The following PLEKHA7 variants were observed in gnomAD, a reference collection of about 807,000 sequenced individuals.
PLEKHA7 encodes the protein pleckstrin homology domain containing A7, also known as pleckstrin homology domain-containing family A member 7.
A neutral mutation model predicts 170.0 loss-of-function variants in PLEKHA7; 104 were observed. The ratio of observed to expected loss-of-function variants is 0.61; its 90% CI spans 0.52 to 0.72. The LOEUF (loss-of-function observed/expected upper bound fraction) is 0.72, where lower values mean the gene tolerates loss of function less well. Ranked by LOEUF, PLEKHA7 falls within the 30% of genes least tolerant of loss-of-function variation. The pLI, the probability that PLEKHA7 is intolerant of heterozygous loss-of-function variation, is 0.00. For synonymous variants in PLEKHA7, 648 were observed against 660.8 expected (o/e 0.98, Z 0.30); for missense variants, 1,615 against 1,671.7 (o/e 0.97, Z 0.59).
At chr11:16,833,635 A>G (rs1851292723) in intron 9 of PLEKHA7, among the ~76,000 whole-genome samples, 1 of 152,178 alleles carries the variant, frequency 6.6e-6, no homozygotes, top group Admixed American at 6.5e-5. Flanking sequence ...ACTGTGTGCT[A>G]GGAATCTGTC....
chr11:16,870,920 T>C (rs944377995), intron 4 of PLEKHA7, among the ~76,000 whole-genome samples, 179 bp downstream of exon 4: 1 of 152,174 alleles, frequency 6.6e-6, no homozygotes, highest in Non-Finnish European at 1.5e-5. Flanking sequence ...ATCTTGCCAC[T>C]GAAAGAAGTC....
intron 4 of PLEKHA7, among the ~76,000 whole-genome samples, chr11:16,863,669 G>A (rs952602563): frequency 2.0e-5 from 3 of 152,112 alleles, no homozygotes; most frequent in Non-Finnish European, 2.9e-5. Context: ...AGAGGCATTC[G>A]TCAGTGGCTC....
At chr11:16,999,367 G>A (rs964163698) in intron 3 of PLEKHA7, among the ~76,000 whole-genome samples, 1 of 151,838 alleles carries the variant, frequency 6.6e-6, no homozygotes, top group Non-Finnish European at 1.5e-5. Context: ...AAGTGGTCAC[G>A]GGGTTCCAAG....
At chr11:16,899,898 T>C (rs181909868) in intron 3 of PLEKHA7, among the ~76,000 whole-genome samples, 334 of 152,338 alleles carry the variant, frequency 2.2e-3, no homozygotes, top group African/African-American at 7.7e-3. Context: ...TGAGCTGTTC[T>C]TGGCCTGCTC....
intron 3 of PLEKHA7, among the ~76,000 whole-genome samples, chr11:16,942,004 C>T (rs1860727556): frequency 6.6e-6 from 1 of 152,196 alleles, no homozygotes; most frequent in Non-Finnish European, 1.5e-5. Flanking sequence ...ATATTGCTAA[C>T]TGAATGAATC....
intron 3 of PLEKHA7, among the ~76,000 whole-genome samples, chr11:16,971,822 G>GT (rs543246026): frequency 3.7e-4 from 55 of 150,534 alleles, no homozygotes; most frequent in Non-Finnish European, 6.5e-4. Context: ...CATTTTCCTG[G>GT]TTTTTTTTTC....
chr11:16,831,701 CTG>C (rs1275083647), intron 9 of PLEKHA7, among the ~76,000 whole-genome samples: 5 of 152,230 alleles, frequency 3.3e-5, no homozygotes, highest in Non-Finnish European at 5.9e-5. Flanking sequence ...CACATATAAG[CTG>C]TGTGACCTTG....
At chr11:16,911,472 T>C (rs1007765471) in intron 3 of PLEKHA7, among the ~76,000 whole-genome samples, 1 of 152,088 alleles carries the variant, frequency 6.6e-6, no homozygotes, top group Non-Finnish European at 1.5e-5. Flanking sequence ...TCGTGTGCAT[T>C]AGCCAAAAAG....
rs1475133328 is a variant in PLEKHA7, at chr11:16,789,185, C to T, written c.3268G>A (p.Glu1090Lys). The change falls in exon 23 of 27, where the codon GAG becomes AAG. Residue 1090 changes from glutamate (E) to lysine (K), a missense_variant. By Grantham distance (56) the Glu-to-Lys change is moderately conservative (BLOSUM62 1). Coordinates refer to ENST00000531066, the MANE Select transcript of PLEKHA7 (RefSeq NM_001329630.2). This position sits in a 1 kb window ranked among gnomAD's most constrained non-coding sequence, Gnocchi z 4.6. ...CCTTGGCCCAGTGTCCTCTTGCGCT[C>T]TCGGACCAGGGCCTTCTGGTGTCGC... ...MKRHQKALVR[E>K]RKRTLGQGER... 3 of 1,613,070 alleles carry T rather than the reference C, an allele frequency of 1.9e-6. No individual in the cohort carries two copies. Among genetic ancestry groups the T allele is most frequent in the African/African-American group, 1.3e-5 (1 of 75,060 alleles).
intron 3 of PLEKHA7, among the ~76,000 whole-genome samples, chr11:17,005,963 T>C (rs373612886): frequency 6.6e-6 from 1 of 152,218 alleles, no homozygotes; most frequent in East Asian, 1.9e-4. Flanking sequence ...AGAATTTCTA[T>C]TTTAGTATAT....
intron 9 of PLEKHA7, among the ~76,000 whole-genome samples, chr11:16,838,140 G>A (rs1357496106): frequency 6.6e-6 from 1 of 152,194 alleles, no homozygotes; most frequent in African/African-American, 2.4e-5. Flanking sequence ...AAAGGAGGCA[G>A]CAAGAAAAGG....
At chr11:16,801,969 C>T in intron 15 of PLEKHA7, 152 bp from the exon 16 acceptor site, 1 of 923,180 alleles carries the variant, frequency 1.1e-6, no homozygotes, top group Non-Finnish European at 1.6e-6. Flanking sequence ...CTGATGCCAG[C>T]TCTGACTCTG....
rs1472504338 is a variant in PLEKHA7, at chr11:16,791,454, AC to A, written c.2746-256del. 19 of 615,940 alleles carry A rather than the reference AC, an allele frequency of 3.1e-5. No homozygotes were observed. Among genetic ancestry groups the A allele is most frequent in the Non-Finnish European group, 5.4e-5 (18 of 336,148 alleles). 38.2% of individuals were successfully genotyped at this position (615,940 alleles called of 1,614,324 possible). The stretch of plus-strand genomic sequence containing the variant: ...GTTACCTGTATAACTGTGTCCTGAA[AC>A]CCAGGACTCAGGTCTCCTGGGTCCA... On this transcript the variant is annotated intron_variant, in intron 19 of 26. Coordinates refer to ENST00000531066, the MANE Select transcript of PLEKHA7 (RefSeq NM_001329630.2). The surrounding 1 kb of genome is among the most constrained non-coding windows in gnomAD (Gnocchi z 4.5).
At chr11:16,983,170 C>A (rs542338597) in intron 3 of PLEKHA7, among the ~76,000 whole-genome samples, 19 of 152,102 alleles carry the variant, frequency 1.2e-4, no homozygotes, top group Non-Finnish European at 2.4e-4. Flanking sequence ...TATTTCAGAA[C>A]CAAAAGCAAT....
At chr11:16,922,681 G>A (rs572094150) in intron 3 of PLEKHA7, among the ~76,000 whole-genome samples, 1 of 152,254 alleles carries the variant, frequency 6.6e-6, no homozygotes, top group Non-Finnish European at 1.5e-5. Context: ...AACCATCAGA[G>A]CACCCTTCTC....
rs1374430873 is a variant in PLEKHA7 at position 16,817,275 on chromosome 11, A to G, written c.1391T>C (p.Leu464Pro). 1 of 1,613,222 alleles carries G rather than the reference A, an allele frequency of 6.2e-7. No individual in the cohort carries two copies. The highest frequency in any genetic ancestry group is 1.3e-5 in the African/African-American group (1 of 74,940). Residue 464 changes from leucine to proline, a missense_variant, in exon 11 of 27, where the codon CTG (leucine) becomes CCG (proline). By Grantham distance (98) the Leu-to-Pro change is moderately conservative. Coordinates refer to ENST00000531066, the MANE Select transcript of PLEKHA7 (RefSeq NM_001329630.2). The surrounding 1 kb of genome is among the most constrained non-coding windows in gnomAD (Gnocchi z 4.4). The stretch of plus-strand genomic sequence containing the variant: ...AGTCTGGTAGTTTTCTGGGAAGGAC[A>G]GGGATTGGCCAGGACCCTGGCGAGG... ...TLPRQGPGQS[L>P]SFPENYQTLP... is the part of the protein sequence containing the mutation.
intron 3 of PLEKHA7, among the ~76,000 whole-genome samples, chr11:16,994,246 C>T (rs1011710931): frequency 3.3e-5 from 5 of 152,198 alleles, no homozygotes; most frequent in African/African-American, 9.7e-5. Context: ...AGCAAGGTGG[C>T]CCTCAGCAGA....
At chr11:16,784,910 A>G (rs1849295025) in intron 24 of PLEKHA7, among the ~76,000 whole-genome samples, 1 of 152,224 alleles carries the variant, frequency 6.6e-6, no homozygotes, top group Non-Finnish European at 1.5e-5. Flanking sequence ...GGCAATCAGG[A>G]CACTACAGAA....
At chr11:16,855,658 G>A (rs1853375048) in intron 5 of PLEKHA7, 145 bp downstream of exon 5, 3 of 670,612 alleles carry the variant, frequency 4.5e-6, no homozygotes, top group Non-Finnish European at 5.2e-6. Flanking sequence ...CTTGGCCTCA[G>A]TTTCCTGATC....
Sources: allele counts gnomAD v4.1 joint callset (sites outside exome capture counted in the v4.1 genomes callset), GRCh38; gene constraint gnomAD v4.1.1; non-coding constraint Gnocchi (gnomAD v3.1); transcripts MANE v1.5; gene names NCBI Gene and HGNC (gene_info 2026-07-23, HGNC 2026-07-21).